The following UPF2 variants were observed in gnomAD, a reference collection of about 807,000 sequenced individuals.
UPF2 encodes UPF2 regulator of nonsense mediated mRNA decay.
UPF2 carries 17 observed loss-of-function variants against 141.4 expected under a neutral mutation model. The observed-to-expected ratio is 0.12, with a 90% CI of 0.08 to 0.18. The LOEUF (loss-of-function observed/expected upper bound fraction) is 0.18. Among genes scored for constraint, UPF2 ranks in the 10% least tolerant of loss-of-function variants. UPF2 has a pLI of 1.00. For missense variants in UPF2, 1,152 were observed against 1,515.9 expected (o/e 0.76, Z 3.99); for synonymous variants, 540 against 498.0 (o/e 1.08, Z -1.12).
chr10:12,025,260 G>C (rs1834398544), intron 3 of UPF2, among the ~76,000 whole-genome samples: 1 of 151,998 alleles, frequency 6.6e-6, no homozygotes, highest in Non-Finnish European at 1.5e-5. Context: ...ATCATAAAAA[G>C]GCTATGATGG....
At chr10:12,015,201 G>C (rs1188592807) in intron 3 of UPF2, among the ~76,000 whole-genome samples, 5 of 152,096 alleles carry the variant, frequency 3.3e-5, no homozygotes, top group Non-Finnish European at 7.3e-5. Flanking sequence ...GTAATACTTA[G>C]AAGTTTTTTA....
intron 5 of UPF2, among the ~76,000 whole-genome samples, chr10:12,004,213 C>A (rs765808464): frequency 6.6e-6 from 1 of 152,180 alleles, no homozygotes; most frequent in Admixed American, 6.5e-5. Context: ...GAGCTAACAC[C>A]TGCCCTAACA....
intron 8 of UPF2, among the ~76,000 whole-genome samples, chr10:11,987,761 CAAAAAAAAAA>C (rs572687103): frequency 1.5e-4 from 8 of 54,158 alleles, no homozygotes; most frequent in South Asian, 1.2e-3. Flanking sequence ...GACTCTGCCT[CAAAAAAAAAA>C]AAAAAAAAAA....
intron 9 of UPF2, among the ~76,000 whole-genome samples, chr10:11,969,037 T>C (rs1331412372): frequency 2.0e-5 from 3 of 151,898 alleles, no homozygotes; most frequent in Non-Finnish European, 4.4e-5. Context: ...AATTTTTGTA[T>C]TTTTAGTAGA....
chr10:12,015,652 AGATCGTGCCACTGCAC>A (rs1459665730), intron 3 of UPF2, among the ~76,000 whole-genome samples: 2 of 152,188 alleles, frequency 1.3e-5, no homozygotes, highest in African/African-American at 4.8e-5. Context: ...CAGTGAGCCG[AGATCGTGCCACTGCAC>A]TCCAGCCTGG....
At chr10:11,947,065 G>A (rs1833009998) in intron 16 of UPF2, among the ~76,000 whole-genome samples, 1 of 152,200 alleles carries the variant, frequency 6.6e-6, no homozygotes, top group African/African-American at 2.4e-5. Context: ...AGCTGGGCAT[G>A]GTGGCACACA....
chr10:12,022,860 T>C (rs529019741), intron 3 of UPF2, among the ~76,000 whole-genome samples: 32 of 151,372 alleles, frequency 2.1e-4, no homozygotes, highest in African/African-American at 6.8e-4. Context: ...AACCTCTGAC[T>C]TTTTTTTTAA....
chr10:11,924,018 G>A (rs1410243502), intron 21 of UPF2, among the ~76,000 whole-genome samples: 2 of 152,152 alleles, frequency 1.3e-5, no homozygotes, highest in Admixed American at 6.6e-5. Context: ...TCTAAGCCAT[G>A]TAAGTATTAA....
At chr10:11,969,844 T>C (rs1353397799) in intron 9 of UPF2, among the ~76,000 whole-genome samples, 1 of 152,174 alleles carries the variant, frequency 6.6e-6, no homozygotes, top group Non-Finnish European at 1.5e-5. Flanking sequence ...CCTAATAGGG[T>C]TGTGAGTCTT....
intron 9 of UPF2, among the ~76,000 whole-genome samples, chr10:11,970,880 T>C (rs1194476247): frequency 6.6e-6 from 1 of 150,408 alleles, no homozygotes; most frequent in East Asian, 1.9e-4. Flanking sequence ...GTCAGTAGGG[T>C]TGGGAAATAT....
rs911531881 is a variant in UPF2 at position 11,920,504 on chromosome 10, GT to G, written c.*793del. The G allele has an allele frequency of 7.2e-5, 11 of 153,240 alleles. No homozygotes were observed. Among genetic ancestry groups the G allele is most frequent in the African/African-American group, 2.4e-4 (10 of 41,556 alleles). The allele number at this position is 153,240 out of a possible 1,614,324, so 9.5% of individuals were successfully genotyped here. A position where few individuals can be genotyped will look rare whatever the true frequency, so the allele number is the denominator to read the frequency against. On this transcript the variant is annotated 3_prime_UTR_variant, in exon 22 of 22. Transcript: ENST00000357604. ...TTTTCTGTGACATGTTGACGGGCAT[GT>G]TTTGTTTTCAATGATACTTACAATG...
Position 11,966,751 on chromosome 10 carries a change from T to C in UPF2, c.2067+590A>G, listed in dbSNP as rs144103218. ...TCATTTCTAATAATACTTCATGGCT[T>C]TGTCAAAAGTGTTACAGGTTGAACT... On this transcript the variant is annotated intron_variant, in intron 10 of 21. Coordinates refer to ENST00000357604, the MANE Select transcript of UPF2 (RefSeq NM_015542.4). Among the ~76,000 whole-genome samples, 237 of 152,346 alleles carry C rather than the reference T, an allele frequency of 1.6e-3. 1 individual carries two copies. Among genetic ancestry groups the C allele is most frequent in the African/African-American group, 5.3e-3 (219 of 41,582 alleles).
At position 11,992,476 on chromosome 10, in the gene UPF2, CAG is replaced by C. The variant is rs1217960804; in HGVS notation, c.1844+5194_1844+5195del. Among the ~76,000 whole-genome samples, 4 of 152,084 alleles carry C rather than the reference CAG, an allele frequency of 2.6e-5. No homozygotes were observed. Among genetic ancestry groups the C allele is most frequent in the Admixed American group, 1.3e-4 (2 of 15,276 alleles). On this transcript the variant is annotated intron_variant, in intron 8 of 21. Coordinates refer to ENST00000357604, the MANE Select transcript of UPF2 (RefSeq NM_015542.4). The surrounding 1 kb of genome is among the most constrained non-coding windows in gnomAD (Gnocchi z 4.1). ...TACCACTGCTCATGGTAGAAAACAA[CAG>C]AGACTGTCTAAATAAATAATCGCTA...
rs1228391521 is a variant in UPF2, at chr10:12,012,991, G to T, written c.1306+1033C>A. On this transcript the variant is annotated intron_variant, in intron 4 of 21. Coordinates refer to ENST00000357604, the MANE Select transcript of UPF2 (RefSeq NM_015542.4). ...TTGCCTCTAATTAGCCAGACATGGTGGTGCACACCTGCAGTCCCAGCTACT... is the reference window on the plus strand; with the variant it reads ...TTGCCTCTAATTAGCCAGACATGGTTGTGCACACCTGCAGTCCCAGCTACT... 5.3e-5 allele frequency among the ~76,000 whole-genome samples: 8 copies of T among 151,564 alleles called. 2 individuals carry two copies. The highest frequency in any genetic ancestry group is 5.3e-4 in the Admixed American group (8 of 15,182).
intron 8 of UPF2, among the ~76,000 whole-genome samples, chr10:11,984,005 C>A (rs976149599): frequency 9.2e-5 from 14 of 151,892 alleles, no homozygotes; most frequent in Non-Finnish European, 1.5e-4. Flanking sequence ...CTCACCACAA[C>A]CTCCACCTCC....
chr10:11,946,065 A>G (rs549666733), intron 16 of UPF2, among the ~76,000 whole-genome samples: 24 of 152,324 alleles, frequency 1.6e-4, no homozygotes, highest in Admixed American at 3.9e-4. Flanking sequence ...AGGAAGTTCT[A>G]AGGTTGTCAA....
Position 11,959,327 on chromosome 10 carries a change from C to A in UPF2, c.2214G>T (p.Met738Ile). Residue 738 changes from methionine to isoleucine, a missense_variant, in exon 12 of 22, where the codon ATG (methionine) becomes ATT (isoleucine). Transcript: ENST00000357604. This position sits in a 1 kb window ranked among gnomAD's most constrained non-coding sequence, Gnocchi z 5.9. ...LEQMMRKKQA[M>I]HLDARYVTMV... ...TTGTGACGTATCTCGCATCAAGATGCATTGCTTGCTTCTTTCTCATCATTT... is the reference window on the plus strand; with the variant it reads ...TTGTGACGTATCTCGCATCAAGATGAATTGCTTGCTTCTTTCTCATCATTT... 1 of 1,581,002 alleles carries A rather than the reference C, an allele frequency of 6.3e-7. No individual in the cohort carries two copies. Among genetic ancestry groups the A allele is most frequent in the Non-Finnish European group, 8.6e-7 (1 of 1,168,372 alleles).
At position 12,031,241 on chromosome 10, in the gene UPF2, G is replaced by A. The variant is rs1309498799; in HGVS notation, c.366-1717C>T. On this transcript the variant is annotated intron_variant, in intron 2 of 21. Transcript: ENST00000357604. ...TTGTTTTTCCATCCTCAGCACATTA[G>A]CCAAACCTTTAACAAAGTACCTTGC... Among the ~76,000 whole-genome samples, 3 of 149,944 alleles carry A rather than the reference G, an allele frequency of 2.0e-5. No individual in the cohort carries two copies. In the East Asian group the frequency reaches 5.8e-4, roughly 29 times the overall value.
rs774945183 is a variant in UPF2 at position 12,029,333 on chromosome 10, C to T, written c.557G>A (p.Arg186Lys). The T allele has an allele frequency of 1.2e-6, 2 of 1,614,132 alleles. No homozygotes were observed. The highest frequency in any genetic ancestry group is 1.7e-6 in the Non-Finnish European group (2 of 1,180,020). Residue 186 changes from arginine (R) to lysine (K), a missense_variant, in exon 3 of 22, where the codon AGA becomes AAA. Physicochemically the swap from Arg to Lys is conservative, Grantham distance 26 (BLOSUM62 2). This residue lies in a region of UPF2 where 739 missense variants were observed against 1,032.2 expected (regional missense o/e 0.72). Transcript: ENST00000357604. ...ATTAAAATCATGGGACAAGGAGTCT[C>T]TCTGTTGTTCTGTAATAGTTTTTAG... is the stretch of plus-strand genomic sequence containing the variant. ...KKLKTITEQQ[R>K]DSLSHDFNGL... is the part of the protein sequence containing the mutation.
Sources: allele counts gnomAD v4.1 joint callset (sites outside exome capture counted in the v4.1 genomes callset), GRCh38; gene constraint gnomAD v4.1.1; regional missense constraint gnomAD v4.1.1; non-coding constraint Gnocchi (gnomAD v3.1); transcripts MANE v1.5; gene names NCBI Gene and HGNC (gene_info 2026-07-23, HGNC 2026-07-21).